The following CCDC32 variants were observed in gnomAD, a reference collection of about 807,000 sequenced individuals.
CCDC32 encodes coiled-coil domain containing 32.
A neutral mutation model predicts 20.1 loss-of-function variants in CCDC32; 9 were observed. That is an observed-to-expected ratio of 0.45 (90% CI 0.27 to 0.78). The LOEUF is 0.78. Ranked by LOEUF, CCDC32 falls within the 30% of genes least tolerant of loss-of-function variation. The pLI is 0.16. For synonymous variants in CCDC32, 63 were observed against 79.0 expected, an observed-to-expected ratio of 0.80 and a Z score of 1.07; for missense variants, 204 against 215.5, an observed-to-expected ratio of 0.95 and a Z score of 0.33.
exon 4 of CCDC32, chr15:40,539,245 G>A (rs770305754): frequency 6.5e-6 from 10 of 1,535,340 alleles, no homozygotes; most frequent in East Asian, 4.9e-5. Context: ...TTACCATGAC[G>A]ACTGCTGGGC....
At chr15:40,556,089 CAT>C (rs747676948) in intron 3 of CCDC32, among the ~76,000 whole-genome samples, 2 of 152,204 alleles carry the variant, frequency 1.3e-5, no homozygotes, top group Non-Finnish European at 2.9e-5. Context: ...CTGAGGCACA[CAT>C]AGGTTACTTA....
chr15:40,538,879 GT>G (rs1413439776), downstream of CCDC32: 24 of 254,160 alleles, frequency 9.4e-5, no homozygotes, highest in Non-Finnish European at 1.4e-4. Context: ...GGAGCTCTGA[GT>G]ATAGGGAACT....
chr15:40,525,253 C>T (rs1188732131), downstream of CCDC32, among the ~76,000 whole-genome samples: 1 of 152,134 alleles, frequency 6.6e-6, no homozygotes, highest in Non-Finnish European at 1.5e-5. Context: ...TGGTCTCGAA[C>T]TCCTGACCTC....
intron 3 of CCDC32, among the ~76,000 whole-genome samples, chr15:40,546,268 T>C (rs1297375396): frequency 6.6e-6 from 1 of 151,832 alleles, no homozygotes; most frequent in East Asian, 1.9e-4. Flanking sequence ...CTTGGCTCAC[T>C]GCAACCTCCG....
intron 1 of CCDC32, 136 bp downstream of exon 1, chr15:40,564,840 C>G: frequency 1.2e-6 from 2 of 1,610,398 alleles, no homozygotes; most frequent in Non-Finnish European, 1.7e-6. Context: ...CGTCCAGATC[C>G]CAGGCCTCAG....
At chr15:40,535,217 C>T, downstream of CCDC32, 1 of 1,417,302 alleles carries the variant, frequency 7.1e-7, no homozygotes, top group Non-Finnish European at 9.2e-7. Flanking sequence ...GGTGGGGAGG[C>T]CACTTAGGAG....
At chr15:40,540,764 A>G (rs980314405) in intron 3 of CCDC32, among the ~76,000 whole-genome samples, 22 of 152,182 alleles carry the variant, frequency 1.4e-4, no homozygotes, top group Admixed American at 1.4e-3. Context: ...CCACAGTGTG[A>G]AAGGACAGTA....
downstream of CCDC32, among the ~76,000 whole-genome samples, chr15:40,524,417 A>G (rs1021852760): frequency 6.6e-6 from 1 of 152,022 alleles, no homozygotes; most frequent in African/African-American, 2.4e-5. Context: ...CGGCCTCCCC[A>G]AAGTGCTGGG....
chr15:40,543,520 T>C (rs1889490466), intron 3 of CCDC32, among the ~76,000 whole-genome samples: 1 of 152,210 alleles, frequency 6.6e-6, no homozygotes, highest in African/African-American at 2.4e-5. Flanking sequence ...AGTGGCATGA[T>C]CTTGGCTCAC....
downstream of CCDC32, chr15:40,534,875 C>T (rs1035789295): frequency 1.4e-6 from 1 of 702,304 alleles, no homozygotes; most frequent in African/African-American, 1.7e-5. Context: ...GTCCATTGCA[C>T]CATCAAAGTG....
downstream of CCDC32, among the ~76,000 whole-genome samples, chr15:40,530,882 G>GT (rs1385470405): frequency 6.6e-6 from 1 of 151,250 alleles, no homozygotes; most frequent in Non-Finnish European, 1.5e-5. Flanking sequence ...GCTAATTTTT[G>GT]TATTTTTTGT....
intron 3 of CCDC32, among the ~76,000 whole-genome samples, chr15:40,547,834 C>A (rs922379302): frequency 2.0e-5 from 3 of 152,214 alleles, no homozygotes; most frequent in African/African-American, 7.2e-5. Context: ...CAGTCCCTCC[C>A]TTTCCTGACC....
intron 3 of CCDC32, chr15:40,529,496 G>A (rs528979923): frequency 6.6e-6 from 1 of 152,284 alleles, no homozygotes; most frequent in African/African-American, 2.4e-5. Flanking sequence ...GTGAATCTGG[G>A]GAAAAGGTAT....
intron 3 of CCDC32, among the ~76,000 whole-genome samples, chr15:40,556,411 A>C (rs1043465435): frequency 6.6e-6 from 1 of 152,238 alleles, no homozygotes; most frequent in African/African-American, 2.4e-5. Context: ...GAGGACAAAA[A>C]CAAATGGGTT....
At chr15:40,538,615 A>T (rs1446434990), downstream of CCDC32, 1 of 152,298 alleles carries the variant, frequency 6.6e-6, no homozygotes, top group Non-Finnish European at 1.5e-5. Context: ...CTTGTCAGAG[A>T]AGAGGCCGCT....
chr15:40,551,392 A>C (rs955526777), downstream of CCDC32, among the ~76,000 whole-genome samples: 3 of 151,988 alleles, frequency 2.0e-5, no homozygotes, highest in African/African-American at 7.3e-5. Flanking sequence ...AAAACAAAAA[A>C]ATCCATCCTG....
chr15:40,557,374 TAG>T lies in CCDC32; in HGVS notation c.245-4_245-3del. 6.2e-7 allele frequency: 1 copy of T among 1,602,160 alleles called. No individual in the cohort carries two copies. Among genetic ancestry groups the T allele is most frequent in the Non-Finnish European group, 8.5e-7 (1 of 1,176,110 alleles). On this transcript the variant is annotated splice_polypyrimidine_tract_variant and splice_region_variant and intron_variant, in intron 2 of 3. Coordinates refer to ENST00000416810, the MANE Select transcript of CCDC32 (RefSeq NM_001080792.4). ...CTTTGATTCTTCTTAGCTTCTTCTCTAGAGAGAGAAGTAGAGCTTAACAAGGA... is the reference window on the plus strand; with the variant it reads ...CTTTGATTCTTCTTAGCTTCTTCTCTAGAGAGAAGTAGAGCTTAACAAGGA...
At chr15:40,532,461 A>G (rs757367605), downstream of CCDC32, among the ~76,000 whole-genome samples, 1 of 152,188 alleles carries the variant, frequency 6.6e-6, no homozygotes, top group Non-Finnish European at 1.5e-5. Context: ...AGATGCTTCA[A>G]AGAGAATCTG....
chr15:40,523,515 A>G, the CCDC32 span, among the ~76,000 whole-genome samples: 3 of 151,992 alleles, frequency 2.0e-5, no homozygotes, highest in East Asian at 5.8e-4. Flanking sequence ...AAAAAAAAAA[A>G]AAAAAAAGGA....
Sources: gnomAD v4.1 joint callset for allele counts (sites outside exome capture counted in the v4.1 genomes callset) on GRCh38, gnomAD v4.1.1 for gene constraint, MANE v1.5 for transcripts, NCBI Gene and HGNC (gene_info 2026-07-23, HGNC 2026-07-21) for gene names.